INPP5A: variants seen among roughly 807,000 people sequenced by gnomAD.
INPP5A encodes the protein 43 kDa inositol polyphosphate 5-phophatase.
In INPP5A, 14 loss-of-function variants were observed where a neutral mutation model predicts 65.2. The ratio of observed to expected loss-of-function variants is 0.21; its 90% CI spans 0.14 to 0.34. INPP5A has a LOEUF of 0.34. Ranked by LOEUF, INPP5A falls within the 10% of genes least tolerant of loss-of-function variation. The probability of loss-of-function intolerance (pLI) is 1.00; values close to 1 mark genes in which losing one functional copy is unlikely to be tolerated. For missense variants in INPP5A, 431 were observed against 545.6 expected, an observed-to-expected ratio of 0.79 and a Z score of 2.09; for synonymous variants, 207 against 208.3, an observed-to-expected ratio of 0.99 and a Z score of 0.05.
At chr10:132,672,254 TGTC>T (rs1251468074) in intron 4 of INPP5A, among the ~76,000 whole-genome samples, 9 of 152,372 alleles carry the variant, frequency 5.9e-5, no homozygotes, top group African/African-American at 2.2e-4. Flanking sequence ...ATTTAAGTAT[TGTC>T]AACTTTATGA....
chr10:132,670,129 AC>A (rs1317683296), intron 4 of INPP5A, among the ~76,000 whole-genome samples: 12 of 87,794 alleles, frequency 1.4e-4, no homozygotes, highest in African/African-American at 5.1e-4. Context: ...CTCAGCCTCC[AC>A]CCCCAAGACC....
chr10:132,691,243 C>T (rs1845255204), intron 5 of INPP5A, among the ~76,000 whole-genome samples: 1 of 152,202 alleles, frequency 6.6e-6, no homozygotes, highest in Non-Finnish European at 1.5e-5. Flanking sequence ...GAGCAAGATT[C>T]TGGCCAGCAA....
chr10:132,750,774 C>G (rs1485573024), intron 11 of INPP5A, among the ~76,000 whole-genome samples: 1 of 152,116 alleles, frequency 6.6e-6, no homozygotes, highest in African/African-American at 2.4e-5. Context: ...GTTCCTAGGG[C>G]GCTCCCGAGC....
intron 7 of INPP5A, among the ~76,000 whole-genome samples, chr10:132,709,129 T>C (rs764856699): frequency 1.3e-5 from 2 of 151,234 alleles, no homozygotes; most frequent in Admixed American, 1.3e-4. Context: ...ACCTTGGGGC[T>C]TCCAGAGGAC....
rs1244241202 is a variant in INPP5A at position 132,704,817 on chromosome 10, G to A, written c.475-3496G>A. Among the ~76,000 whole-genome samples the A allele has an allele frequency of 1.3e-5, 2 of 151,386 alleles. No individual in the cohort carries two copies. Among genetic ancestry groups the A allele is most frequent in the Non-Finnish European group, 2.9e-5 (2 of 67,834 alleles). ...TGGAGGAAGGGCGTCTGGACAGGCGGCAGGCAGCTCCTCTGGAGTGTGGAG... is the reference window on the plus strand; with the variant it reads ...TGGAGGAAGGGCGTCTGGACAGGCGACAGGCAGCTCCTCTGGAGTGTGGAG... On this transcript the variant is annotated intron_variant, in intron 6 of 15. Coordinates refer to ENST00000368594, the MANE Select transcript of INPP5A (RefSeq NM_005539.5). The surrounding 1 kb of genome is among the most constrained non-coding windows in gnomAD (Gnocchi z 4.5).
At chr10:132,661,364 G>A (rs765310292) in intron 4 of INPP5A, among the ~76,000 whole-genome samples, 23 of 152,212 alleles carry the variant, frequency 1.5e-4, no homozygotes, top group Non-Finnish European at 2.8e-4. Context: ...TATGTAGTTA[G>A]TGGCTTGTAA....
chr10:132,587,884 C>T lies in INPP5A; in HGVS notation c.76-20031C>T, dbSNP rs1004401721. 3.3e-5 allele frequency among the ~76,000 whole-genome samples: 5 copies of T among 151,852 alleles called. No homozygotes were observed. Among genetic ancestry groups the T allele is most frequent in the Non-Finnish European group, 4.4e-5 (3 of 67,970 alleles). ...AAAATTAGCCGGGCATGGTGGTGCA[C>T]GCCTGTAATCCCAGCTACTTAGGAG... On this transcript the variant is annotated intron_variant, in intron 1 of 15. Coordinates refer to ENST00000368594, the MANE Select transcript of INPP5A (RefSeq NM_005539.5). This position sits in a 1 kb window ranked among gnomAD's most constrained non-coding sequence, Gnocchi z 4.3.
chr10:132,727,176 A>G lies in INPP5A; in HGVS notation c.732+271A>G, dbSNP rs2082477400. 1 of 323,474 alleles carries G rather than the reference A, an allele frequency of 3.1e-6. No individual in the cohort carries two copies. The highest frequency in any genetic ancestry group is 2.1e-5 in the African/African-American group (1 of 47,002). 20.0% of individuals were successfully genotyped at this position (323,474 alleles called of 1,614,324 possible). A position where few individuals can be genotyped will look rare whatever the true frequency, so the allele number is the denominator to read the frequency against. ...GCCCTGTGGCTTCCGCCGTCGGCAC[A>G]CAAGGAGCTGCTGGAGTGCCGTCAC... On this transcript the variant is annotated intron_variant, in intron 9 of 15. Coordinates refer to ENST00000368594, the MANE Select transcript of INPP5A (RefSeq NM_005539.5). The surrounding 1 kb of genome is among the most constrained non-coding windows in gnomAD (Gnocchi z 6.5).
chr10:132,690,016 T>A (rs564371091), intron 4 of INPP5A, among the ~76,000 whole-genome samples: 7 of 152,166 alleles, frequency 4.6e-5, no homozygotes, highest in Non-Finnish European at 1.0e-4. Context: ...CAGCACCGGC[T>A]GCACGGCTCA....
Position 132,545,288 on chromosome 10 carries a change from G to A in INPP5A, c.75+7117G>A, listed in dbSNP as rs986712476. 2.6e-5 allele frequency among the ~76,000 whole-genome samples: 4 copies of A among 152,324 alleles called. No individual in the cohort carries two copies. Among genetic ancestry groups the A allele is most frequent in the Non-Finnish European group, 2.9e-5 (2 of 68,022 alleles). On this transcript the variant is annotated intron_variant, in intron 1 of 15. Coordinates refer to ENST00000368594, the MANE Select transcript of INPP5A (RefSeq NM_005539.5). The surrounding 1 kb of genome is among the most constrained non-coding windows in gnomAD (Gnocchi z 4.6). ...AATCCAGACCCAGGCCTGCCCCACCGTGAAGCATCAAATTTAGAGCCCCTC... is the reference window on the plus strand; with the variant it reads ...AATCCAGACCCAGGCCTGCCCCACCATGAAGCATCAAATTTAGAGCCCCTC...
chr10:132,715,155 C>T (rs113312448), intron 8 of INPP5A, among the ~76,000 whole-genome samples: 3,588 of 152,332 alleles, frequency 0.024, 131 homozygotes, highest in African/African-American at 0.081. Flanking sequence ...CGTCAGCCTT[C>T]CTAGGCACCA....
intron 9 of INPP5A, among the ~76,000 whole-genome samples, chr10:132,744,520 G>A (rs1846333171): frequency 6.6e-6 from 1 of 152,212 alleles, no homozygotes; most frequent in Admixed American, 6.5e-5. Flanking sequence ...AGATGGGGGA[G>A]TTTCAATACC....
At chr10:132,579,747 T>C (rs2071458277) in intron 1 of INPP5A, among the ~76,000 whole-genome samples, 1 of 151,886 alleles carries the variant, frequency 6.6e-6, no homozygotes, top group South Asian at 2.1e-4. Flanking sequence ...TAGCGATTGA[T>C]GGGGTGAAGG....
chr10:132,625,840 CTGTGTGTGTGTGTGTG>C lies in INPP5A; in HGVS notation c.117+17906_117+17921del, dbSNP rs139839964. ...TTCTCTGCAAGGGCTGGCAGGACTTCTGTGTGTGTGTGTGTGTGTGTGTGTGTGTGTGTGTGTTTGT... is the reference window on the plus strand; with the variant it reads ...TTCTCTGCAAGGGCTGGCAGGACTTCTGTGTGTGTGTGTGTGTGTGTTTGT... On this transcript the variant is annotated intron_variant, in intron 2 of 15. Transcript: ENST00000368594. Among the ~76,000 whole-genome samples the C allele has an allele frequency of 8.3e-3, 1,224 of 146,692 alleles. 5 individuals are homozygous for C. Among genetic ancestry groups the C allele is most frequent in the Non-Finnish European group, 0.014 (938 of 66,268 alleles).
At position 132,659,271 on chromosome 10, in the gene INPP5A, C is replaced by T. The variant is rs944178549; in HGVS notation, c.306+8766C>T. 6.6e-6 allele frequency among the ~76,000 whole-genome samples: 1 copy of T among 152,224 alleles called. No individual in the cohort carries two copies. Among genetic ancestry groups the T allele is most frequent in the Non-Finnish European group, 1.5e-5 (1 of 68,038 alleles). ...AGGAGCTGGAGCACTGAGAAAGGCACCTTGCTGAGAGCAGCCTTGGAAGGG... is the reference window on the plus strand; with the variant it reads ...AGGAGCTGGAGCACTGAGAAAGGCATCTTGCTGAGAGCAGCCTTGGAAGGG... On this transcript the variant is annotated intron_variant, in intron 4 of 15. Coordinates refer to ENST00000368594, the MANE Select transcript of INPP5A (RefSeq NM_005539.5). This position sits in a 1 kb window ranked among gnomAD's most constrained non-coding sequence, Gnocchi z 5.5.
intron 5 of INPP5A, among the ~76,000 whole-genome samples, chr10:132,691,604 C>T (rs1295942785): frequency 6.6e-6 from 1 of 152,240 alleles, no homozygotes; most frequent in Non-Finnish European, 1.5e-5. Context: ...TCATAAAGTG[C>T]CTGGTGAACC....
At chr10:132,581,093 G>A (rs1280130623) in intron 1 of INPP5A, among the ~76,000 whole-genome samples, 1 of 152,190 alleles carries the variant, frequency 6.6e-6, no homozygotes, top group African/African-American at 2.4e-5. Flanking sequence ...AGCTTCGCCT[G>A]TCGGAGGACG....
intron 2 of INPP5A, among the ~76,000 whole-genome samples, chr10:132,614,416 G>A (rs910680921): frequency 1.3e-5 from 2 of 152,178 alleles, no homozygotes; most frequent in Non-Finnish European, 2.9e-5. Context: ...GCAGTGAGCC[G>A]AGATTGCACC....
At chr10:132,737,103 G>A (rs533207467) in intron 9 of INPP5A, among the ~76,000 whole-genome samples, 20 of 152,354 alleles carry the variant, frequency 1.3e-4, no homozygotes, top group African/African-American at 3.6e-4. Flanking sequence ...CATGGCGGCT[G>A]ACTCCTCAGT....
Sources: gnomAD v4.1 joint callset for allele counts (sites outside exome capture counted in the v4.1 genomes callset) on GRCh38, gnomAD v4.1.1 for gene constraint, Gnocchi (gnomAD v3.1) non-coding constraint, MANE v1.5 for transcripts, NCBI Gene and HGNC (gene_info 2026-07-23, HGNC 2026-07-21) for gene names.